The following PTGDR variants were observed in gnomAD, a reference collection of about 807,000 sequenced individuals.
PTGDR encodes PGD2 receptor.
A neutral mutation model predicts 17.4 loss-of-function variants in PTGDR; 19 were observed. The ratio of observed to expected loss-of-function variants is 1.09; its 90% confidence interval spans 0.76 to 1.60. The LOEUF (loss-of-function observed/expected upper bound fraction) is 1.60, where lower values mean the gene tolerates loss of function less well. PTGDR is among the 40% of genes most tolerant of loss of function. The pLI, the probability that PTGDR is intolerant of heterozygous loss-of-function variation, is 0.00. For synonymous variants in PTGDR, 267 were observed against 224.2 expected, an observed-to-expected ratio of 1.19 and a Z score of -1.71; for missense variants, 526 against 481.9, an observed-to-expected ratio of 1.09 and a Z score of -0.86.
downstream of PTGDR, among the ~76,000 whole-genome samples, chr14:52,278,682 T>C (rs556536875): frequency 2.6e-4 from 39 of 152,146 alleles, no homozygotes; most frequent in Non-Finnish European, 5.7e-4. Flanking sequence ...CCATTACTGA[T>C]TCCCAAGTTC....
At chr14:52,278,126 C>A (rs1010505648), downstream of PTGDR, among the ~76,000 whole-genome samples, 1 of 152,136 alleles carries the variant, frequency 6.6e-6, no homozygotes, top group Admixed American at 6.5e-5. Flanking sequence ...GGTATATACC[C>A]AAAGGATTAT....
intron 1 of PTGDR, among the ~76,000 whole-genome samples, chr14:52,272,428 C>T (rs1023201103): frequency 1.5e-4 from 23 of 150,994 alleles, no homozygotes; most frequent in African/African-American, 5.1e-4. Context: ...GATTGTGCCA[C>T]TGCACCCCAG....
In PTGDR at chr14:52,275,433, G is replaced by A. The variant is rs17831675; in HGVS notation, c.*469G>A. 0.069 allele frequency: 10,900 copies of A among 156,930 alleles called. 505 individuals are homozygous for A. Among genetic ancestry groups the A allele is most frequent in the South Asian group, 0.16 (820 of 5,276 alleles). The allele number at this position is 156,930 out of a possible 1,614,324, so 9.7% of individuals were successfully genotyped here. On this transcript the variant is annotated 3_prime_UTR_variant, in exon 2 of 2. Transcript: ENST00000306051. ...GATTCATTGATTTTATATCATTGCC[G>A]ATGTTTAGTTCATTTCTTTGCCAAT...
chr14:52,270,774 C>G (rs756476056), intron 1 of PTGDR, among the ~76,000 whole-genome samples: 1 of 152,094 alleles, frequency 6.6e-6, no homozygotes, highest in Non-Finnish European at 1.5e-5. Flanking sequence ...TAGCCAAATG[C>G]ATGGAAATTT....
intron 1 of PTGDR, among the ~76,000 whole-genome samples, chr14:52,270,469 G>C (rs2033304558): frequency 6.6e-6 from 1 of 152,106 alleles, no homozygotes; most frequent in South Asian, 2.1e-4. Context: ...CTTGAACCTG[G>C]GAGGCAGAGG....
At position 52,268,347 on chromosome 14, in the gene PTGDR, G is replaced by A; in HGVS notation, c.533G>A (p.Cys178Tyr). ...GGCTTCGGGAAGTTCGTGCAGTACT[G>A]CCCCGGCACCTGGTGCTTTATCCAG... ...FMGFGKFVQY[C>Y]PGTWCFIQMV... The change falls in exon 1 of 2, where the codon TGC becomes TAC. Residue 178 changes from cysteine to tyrosine, a missense_variant. Cys to Tyr is a radical substitution (Grantham distance 194, BLOSUM62 -2). Coordinates refer to ENST00000306051, the MANE Select transcript of PTGDR (RefSeq NM_000953.3). 6.2e-7 allele frequency: 1 copy of A among 1,613,400 alleles called. No homozygotes were observed. The highest frequency in any genetic ancestry group is 1.3e-5 in the African/African-American group (1 of 75,048).
At chr14:52,269,928 C>A (rs2033293601) in intron 1 of PTGDR, among the ~76,000 whole-genome samples, 1 of 152,172 alleles carries the variant, frequency 6.6e-6, no homozygotes, top group Admixed American at 6.5e-5. Flanking sequence ...GGACCCCATT[C>A]CCCAGAGTTT....
At position 52,268,110 on chromosome 14, in the gene PTGDR, C is replaced by T. The variant is rs772813546; in HGVS notation, c.296C>T (p.Ala99Val). 1.2e-6 allele frequency: 2 copies of T among 1,614,114 alleles called. No homozygotes were observed. The highest frequency in any genetic ancestry group is 1.7e-6 in the Non-Finnish European group (2 of 1,180,048). ...CGGAGTCTGCGGGTGCTTGCGCCCG[C>T]ATTGGACAACTCGTTGTGCCAAGCC... ...QNRSLRVLAP[A>V]LDNSLCQAFA... The change falls in exon 1 of 2, where the codon GCA becomes GTA. Residue 99 changes from alanine to valine, a missense_variant. Physicochemically the swap from Ala to Val is moderately conservative, Grantham distance 64. Coordinates refer to ENST00000306051, the MANE Select transcript of PTGDR (RefSeq NM_000953.3).
rs201678128 is a variant in PTGDR at position 52,268,080 on chromosome 14, A to G, written c.266A>G (p.Gln89Arg). Residue 89 changes from glutamine (Q) to arginine (R), a missense_variant, in exon 1 of 2, where the codon CAG becomes CGG. Physicochemically the swap from Gln to Arg is conservative, Grantham distance 43. Transcript: ENST00000306051. ...CCGGTGGTGCTGGCTGCCTACGCTC[A>G]GAACCGGAGTCTGCGGGTGCTTGCG... ...LSPVVLAAYA[Q>R]NRSLRVLAPA... The G allele has an allele frequency of 1.9e-6, 3 of 1,613,576 alleles. No individual in the cohort carries two copies. Among genetic ancestry groups the G allele is most frequent in the Non-Finnish European group, 2.5e-6 (3 of 1,180,040 alleles).
chr14:52,270,940 C>CA (rs2033312877), intron 1 of PTGDR, among the ~76,000 whole-genome samples: 1 of 152,006 alleles, frequency 6.6e-6, no homozygotes, highest in African/African-American at 2.4e-5. Flanking sequence ...AAAGATTTTC[C>CA]AAAAAAACTA....
At chr14:52,270,821 G>A (rs1262621413) in intron 1 of PTGDR, among the ~76,000 whole-genome samples, 1 of 152,208 alleles carries the variant, frequency 6.6e-6, no homozygotes, top group Non-Finnish European at 1.5e-5. Context: ...GACCAATGCA[G>A]AAAGCAGCAT....
At chr14:52,272,425 C>G (rs1414400206) in intron 1 of PTGDR, among the ~76,000 whole-genome samples, 1 of 151,410 alleles carries the variant, frequency 6.6e-6, no homozygotes, top group African/African-American at 2.4e-5. Flanking sequence ...CTTGATTGTG[C>G]CACTGCACCC....
chr14:52,271,606 G>A (rs909403953), intron 1 of PTGDR, among the ~76,000 whole-genome samples: 2 of 152,186 alleles, frequency 1.3e-5, no homozygotes, highest in Non-Finnish European at 2.9e-5. Context: ...CCTGTTAAGA[G>A]CACAAAAGTA....
chr14:52,274,264 C>T (rs1017908271), intron 1 of PTGDR, among the ~76,000 whole-genome samples: 1 of 152,146 alleles, frequency 6.6e-6, no homozygotes, highest in Non-Finnish European at 1.5e-5. Flanking sequence ...TGACATTTCA[C>T]AGGTGTGACT....
At chr14:52,274,169 A>C (rs932702016) in intron 1 of PTGDR, among the ~76,000 whole-genome samples, 1 of 150,562 alleles carries the variant, frequency 6.6e-6, no homozygotes, top group South Asian at 2.2e-4. Context: ...TTTTTTTCCA[A>C]GTCATCTCAG....
chr14:52,277,233 C>T (rs932064142), downstream of PTGDR, among the ~76,000 whole-genome samples: 4 of 152,142 alleles, frequency 2.6e-5, no homozygotes, highest in Admixed American at 2.6e-4. Flanking sequence ...ATTGCGAGTA[C>T]GCATTTACTA....
Position 52,267,870 on chromosome 14 carries a change from C to CCACCTCTGTGGAAAAA in PTGDR, c.56_57insCACCTCTGTGGAAAAA (p.Ala20ThrfsTer277), listed in dbSNP as rs773937371. The CCACCTCTGTGGAAAAA allele has an allele frequency of 1.2e-5, 20 of 1,601,820 alleles. No individual in the cohort carries two copies. Among genetic ancestry groups the CCACCTCTGTGGAAAAA allele is most frequent in the Non-Finnish European group, 1.7e-5 (20 of 1,173,498 alleles). On this transcript the variant is annotated frameshift_variant, in exon 1 of 2. Coordinates refer to ENST00000306051, the MANE Select transcript of PTGDR (RefSeq NM_000953.3). LOFTEE classifies it high-confidence loss of function. The stretch of plus-strand genomic sequence containing the variant: ...ACCACCTCTGTGGAAAAAGGCAACT[C>CCACCTCTGTGGAAAAA]GGCGGTGATGGGCGGGGTGCTCTTC...
chr14:52,270,404 G>A (rs530898770), intron 1 of PTGDR, among the ~76,000 whole-genome samples: 9 of 152,146 alleles, frequency 5.9e-5, no homozygotes, highest in African/African-American at 1.4e-4. Flanking sequence ...TTACCTGGGC[G>A]TGGTGGCATG....
At position 52,268,230 on chromosome 14, in the gene PTGDR, T is replaced by C. The variant is rs763953517; in HGVS notation, c.416T>C (p.Phe139Ser). ...TGGCTCTCCCTAGGGCACCCTTTCT[T>C]CTACCGACGGCACATCACCCTGCGC... ...ECWLSLGHPF[F>S]YRRHITLRLG... is the part of the protein sequence containing the mutation. The change falls in exon 1 of 2, where the codon TTC becomes TCC. Residue 139 changes from phenylalanine (F) to serine (S), a missense_variant. Physicochemically the swap from Phe to Ser is radical, Grantham distance 155 (BLOSUM62 -2). Transcript: ENST00000306051. 1.2e-6 allele frequency: 2 copies of C among 1,614,084 alleles called. No homozygotes were observed. The highest frequency in any genetic ancestry group is 1.3e-5 in the African/African-American group (1 of 75,074).
Sources: allele counts gnomAD v4.1 joint callset (sites outside exome capture counted in the v4.1 genomes callset), GRCh38; gene constraint gnomAD v4.1.1; transcripts MANE v1.5; gene names NCBI Gene and HGNC (gene_info 2026-07-23, HGNC 2026-07-21).